The following IPCEF1 variants were observed in gnomAD, a reference collection of about 807,000 sequenced individuals.
The protein encoded by IPCEF1 is interactor protein for cytohesin exchange factors 1.
A neutral mutation model predicts 50.9 loss-of-function variants in IPCEF1; 31 were observed. The ratio of observed to expected loss-of-function variants is 0.61; its 90% CI spans 0.46 to 0.82. IPCEF1 has a LOEUF of 0.82. IPCEF1 is among the 40% of genes least tolerant of loss of function. The pLI, the probability that IPCEF1 is intolerant of heterozygous loss-of-function variation, is 0.00. For synonymous variants in IPCEF1, 181 were observed against 192.0 expected, an observed-to-expected ratio of 0.94 and a Z score of 0.47; for missense variants, 458 against 514.0, an observed-to-expected ratio of 0.89 and a Z score of 1.05.
chr6:154,261,311 G>A (rs1781594840), intron 3 of IPCEF1, among the ~76,000 whole-genome samples: 1 of 152,216 alleles, frequency 6.6e-6, no homozygotes, highest in South Asian at 2.1e-4. Context: ...GCAGGCATGA[G>A]CCACTTCTCC....
chr6:154,242,013 G>GT (rs900400788), intron 5 of IPCEF1, among the ~76,000 whole-genome samples: 2 of 152,160 alleles, frequency 1.3e-5, no homozygotes, highest in African/African-American at 4.8e-5. Flanking sequence ...CTTTGAGCAA[G>GT]TTACTTAAAT....
chr6:154,244,370 CA>C (rs1780864330), intron 5 of IPCEF1, among the ~76,000 whole-genome samples: 1 of 151,126 alleles, frequency 6.6e-6, no homozygotes, highest in Non-Finnish European at 1.5e-5. Flanking sequence ...CCCTACATAC[CA>C]TTAGTTTTAT....
At chr6:154,326,221 C>CAAAAAA (rs75214985) in intron 1 of IPCEF1, among the ~76,000 whole-genome samples, 1 of 99,166 alleles carries the variant, frequency 1.0e-5, no homozygotes, top group Non-Finnish European at 2.2e-5. Context: ...GACCTTGTCT[C>CAAAAAA]AAAAAAAAAA....
chr6:154,313,089 T>C (rs1271935404), intron 1 of IPCEF1, among the ~76,000 whole-genome samples: 1 of 46,808 alleles, frequency 2.1e-5, no homozygotes, highest in Non-Finnish European at 4.0e-5. Flanking sequence ...AAAAAAAACA[T>C]GGCCGGGCAC....
intron 1 of IPCEF1, among the ~76,000 whole-genome samples, chr6:154,320,786 C>T (rs1281898003): frequency 2.6e-5 from 4 of 152,084 alleles, no homozygotes; most frequent in South Asian, 2.1e-4. Flanking sequence ...GTGGGAGGAT[C>T]GCTTGAGCCC....
Position 154,313,317 on chromosome 6 carries a change from G to A in IPCEF1, c.-61-23561C>T, listed in dbSNP as rs953724660. On this transcript the variant is annotated intron_variant, in intron 1 of 11. Transcript: ENST00000367220. ...TTGAACCTAGGAGGTGGAGGTTGCA[G>A]TGAGCTGAGATCGCGCCACTCCACT... 4.0e-4 allele frequency among the ~76,000 whole-genome samples: 61 copies of A among 151,778 alleles called. 4 individuals carry two copies. Among genetic ancestry groups the A allele is most frequent in the Non-Finnish European group, 2.9e-5 (2 of 67,938 alleles).
At chr6:154,277,947 T>C (rs1782105731) in intron 2 of IPCEF1, among the ~76,000 whole-genome samples, 1 of 152,088 alleles carries the variant, frequency 6.6e-6, no homozygotes, top group Non-Finnish European at 1.5e-5. Context: ...TTCCCACTCG[T>C]ACCTCACCTA....
chr6:154,350,250 T>C (rs1784098305), intron 1 of IPCEF1, among the ~76,000 whole-genome samples: 1 of 152,220 alleles, frequency 6.6e-6, no homozygotes, highest in Non-Finnish European at 1.5e-5. Context: ...TTCAGAATAT[T>C]TGAACTTTTA....
chr6:154,214,240 C>T lies in IPCEF1; in HGVS notation c.429G>A (p.Gln143=). Reference sequence around the variant, plus strand: ...TACCTTCATCCTTTGTAGTGGATTCCTGATGGATTACAGCCGATCCAAGTT... The same window carrying T: ...TACCTTCATCCTTTGTAGTGGATTCTTGATGGATTACAGCCGATCCAAGTT... The part of the protein sequence containing the change: ...LNKLGSAVIH[Q]ESTTKDEECY... The change falls in exon 8 of 12, where the codon CAG becomes CAA. Residue 143 remains glutamine, a synonymous_variant. Coordinates refer to ENST00000367220, the MANE Select transcript of IPCEF1 (RefSeq NM_001130700.2). 6.2e-7 allele frequency: 1 copy of T among 1,610,766 alleles called. No individual in the cohort carries two copies. Among genetic ancestry groups the T allele is most frequent in the Non-Finnish European group, 8.5e-7 (1 of 1,176,992 alleles).
At chr6:154,287,835 A>T (rs1352326093) in intron 2 of IPCEF1, among the ~76,000 whole-genome samples, 1 of 152,228 alleles carries the variant, frequency 6.6e-6, no homozygotes, top group Non-Finnish European at 1.5e-5. Context: ...TCAATACCTT[A>T]GGGTAACCAG....
chr6:154,192,321 T>C (rs1209888496), intron 10 of IPCEF1, among the ~76,000 whole-genome samples: 1 of 82,280 alleles, frequency 1.2e-5, no homozygotes, highest in Admixed American at 1.5e-4. Context: ...GTGGTTACTG[T>C]GTGTGTGTGT....
intron 11 of IPCEF1, among the ~76,000 whole-genome samples, chr6:154,163,796 C>G (rs1442053372): frequency 6.6e-6 from 1 of 152,056 alleles, no homozygotes; most frequent in African/African-American, 2.4e-5. Flanking sequence ...AACAAAAAAA[C>G]TAGACATAGA....
chr6:154,257,965 A>C (rs1052430119), intron 3 of IPCEF1, among the ~76,000 whole-genome samples: 2 of 152,218 alleles, frequency 1.3e-5, no homozygotes, highest in Admixed American at 6.5e-5. Flanking sequence ...GGTCTTCCAA[A>C]GTGCTGGGAT....
intron 10 of IPCEF1, among the ~76,000 whole-genome samples, chr6:154,169,357 TCA>T (rs764937431): frequency 4.0e-5 from 6 of 151,376 alleles, no homozygotes; most frequent in African/African-American, 1.2e-4. Flanking sequence ...TGAGACTCTG[TCA>T]CACACACACA....
chr6:154,291,740 C>T (rs368391976), intron 1 of IPCEF1, among the ~76,000 whole-genome samples: 5 of 146,616 alleles, frequency 3.4e-5, no homozygotes, highest in African/African-American at 7.7e-5. Context: ...GCTGGAGAGC[C>T]GTGGCACAAT....
chr6:154,250,961 T>C (rs1330412677), intron 3 of IPCEF1, among the ~76,000 whole-genome samples: 2 of 152,170 alleles, frequency 1.3e-5, no homozygotes, highest in South Asian at 2.1e-4. Context: ...TTTAGAGCCA[T>C]ACCAGATCGG....
At chr6:154,309,048 GT>G (rs1274725597) in intron 1 of IPCEF1, among the ~76,000 whole-genome samples, 3 of 152,148 alleles carry the variant, frequency 2.0e-5, no homozygotes, top group African/African-American at 7.2e-5. Flanking sequence ...GATGAGGACA[GT>G]TTTGTAAAGA....
intron 6 of IPCEF1, 190 bp downstream of exon 6, chr6:154,222,980 A>T (rs1041565452): frequency 1.2e-5 from 7 of 604,336 alleles, no homozygotes; most frequent in Non-Finnish European, 2.1e-5. Context: ...CTGCTCCACA[A>T]AACGAAATTC....
Position 154,159,836 on chromosome 6 carries a change from A to G in IPCEF1, c.1309T>C (p.Ser437Pro). Residue 437 changes from serine (S) to proline (P), a missense_variant, in exon 12 of 12, where the codon TCC (serine) becomes CCC (proline). Physicochemically the swap from Ser to Pro is moderately conservative, Grantham distance 74. Transcript: ENST00000367220. The part of the protein sequence containing the change: ...KSPSSPSVEN[S>P]I ...AAAACCCTGACTTTGTCTCAAATGG[A>G]ATTTTCAACAGAGGGAGAAGAAGGT... The G allele has an allele frequency of 6.2e-7, 1 of 1,610,764 alleles. No individual in the cohort carries two copies. The highest frequency in any genetic ancestry group is 1.1e-5 in the South Asian group (1 of 90,404).
Sources: gnomAD v4.1 joint callset for allele counts (sites outside exome capture counted in the v4.1 genomes callset) on GRCh38, gnomAD v4.1.1 for gene constraint, MANE v1.5 for transcripts, NCBI Gene and HGNC (gene_info 2026-07-23, HGNC 2026-07-21) for gene names.